KIAA0825: variants seen among roughly 807,000 people sequenced by gnomAD.
KIAA0825 encodes KIAA0825.
In KIAA0825, 119 loss-of-function variants were observed where a neutral mutation model predicts 147.6. The observed-to-expected ratio is 0.81, with a 90% CI of 0.69 to 0.94. The LOEUF (loss-of-function observed/expected upper bound fraction) is 0.94, where lower values mean the gene tolerates loss of function less well. Among genes scored for constraint, KIAA0825 ranks in the 40% least tolerant of loss-of-function variants. The pLI is 0.00. For missense variants in KIAA0825, 1,381 were observed against 1,472.7 expected (o/e 0.94, Z 1.02); for synonymous variants, 470 against 518.1 (o/e 0.91, Z 1.26).
chr5:94,435,711 A>G (rs947239869), intron 14 of KIAA0825, among the ~76,000 whole-genome samples: 2 of 152,114 alleles, frequency 1.3e-5, no homozygotes, highest in African/African-American at 4.8e-5. Flanking sequence ...GTCTTCCACA[A>G]TGGTTGAACT....
At chr5:94,493,357 A>C (rs561624326) in intron 5 of KIAA0825, among the ~76,000 whole-genome samples, 1 of 152,352 alleles carries the variant, frequency 6.6e-6, no homozygotes, top group South Asian at 2.1e-4. Flanking sequence ...AAAATAACTA[A>C]TGGTGTCACC....
At chr5:94,220,361 CA>C (rs1773573760) in intron 20 of KIAA0825, among the ~76,000 whole-genome samples, 1 of 151,906 alleles carries the variant, frequency 6.6e-6, no homozygotes, top group African/African-American at 2.4e-5. Context: ...TTACAGTTAA[CA>C]TTTTTTTTTT....
chr5:94,281,612 G>T (rs1050895991), intron 20 of KIAA0825, among the ~76,000 whole-genome samples: 2 of 152,174 alleles, frequency 1.3e-5, no homozygotes, highest in South Asian at 4.2e-4. Flanking sequence ...CTGGATAATT[G>T]TTAGGGCTGC....
At position 94,210,807 on chromosome 5, in the gene KIAA0825, T is replaced by G. The variant is rs115524826; in HGVS notation, c.3711-56683A>C. ...GAAGAAACTGTATTAAAAAATTAGG[T>G]CTAGGGTGTGGATTTAGTTTCCTTG... On this transcript the variant is annotated intron_variant, in intron 20 of 20. Transcript: ENST00000682413. Among the ~76,000 whole-genome samples the G allele has an allele frequency of 7.5e-3, 1,139 of 152,284 alleles. 12 individuals are homozygous for G. The highest frequency in any genetic ancestry group is 0.027 in the African/African-American group (1,107 of 41,572).
chr5:94,548,779 T>C (rs905265327), intron 2 of KIAA0825, among the ~76,000 whole-genome samples: 6 of 152,116 alleles, frequency 3.9e-5, no homozygotes, highest in Admixed American at 1.3e-4. Context: ...GCAGTAGATA[T>C]ACTTGTATCA....
At chr5:94,582,211 A>G (rs1782320169) in intron 2 of KIAA0825, among the ~76,000 whole-genome samples, 1 of 152,192 alleles carries the variant, frequency 6.6e-6, no homozygotes, top group Non-Finnish European at 1.5e-5. Context: ...GCCCTGCTGC[A>G]GTGTTGTGTA....
intron 1 of KIAA0825, chr5:94,593,603 C>A: frequency 1.9e-6 from 1 of 514,274 alleles, no homozygotes; most frequent in South Asian, 2.2e-5. Context: ...TTATTGATGT[C>A]AGAGGAGCTA....
intron 20 of KIAA0825, among the ~76,000 whole-genome samples, chr5:94,201,555 A>G (rs2150024388): frequency 6.6e-6 from 1 of 151,130 alleles, no homozygotes; most frequent in South Asian, 2.1e-4. Flanking sequence ...ATACAGGTGC[A>G]TGCCACCTTG....
Position 94,471,587 on chromosome 5 carries a change from T to G in KIAA0825, c.1600A>C (p.Arg534=). 6.4e-7 allele frequency: 1 copy of G among 1,551,928 alleles called. No individual in the cohort carries two copies. The highest frequency in any genetic ancestry group is 8.7e-7 in the Non-Finnish European group (1 of 1,147,044). Residue 534 remains arginine, a synonymous_variant, in exon 9 of 21, where the codon AGA becomes CGA. Coordinates refer to ENST00000682413, the MANE Select transcript of KIAA0825 (RefSeq NM_001145678.3). ...GCTTTGGAAGGAACCTCCTTGGCTC[T>G]CTCTTGCAGTCTCTGCAGGACAGCT... ...ATAVLQRLQE[R]AKEVPSKAPL...
rs1340062689 is a variant in KIAA0825, at chr5:94,536,985, A to G, written c.131+11T>C. ...GAAAACAACTTGTTTTAAATAATTAACAATATTTACCTTGCAGCATTTTGT... is the reference window on the plus strand; with the variant it reads ...GAAAACAACTTGTTTTAAATAATTAGCAATATTTACCTTGCAGCATTTTGT... On this transcript the variant is annotated intron_variant, in intron 3 of 20. Coordinates refer to ENST00000682413, the MANE Select transcript of KIAA0825 (RefSeq NM_001145678.3). 6.4e-7 allele frequency: 1 copy of G among 1,572,942 alleles called. No homozygotes were observed. Among genetic ancestry groups the G allele is most frequent in the Non-Finnish European group, 8.7e-7 (1 of 1,152,096 alleles).
chr5:94,205,661 C>A (rs1315074439), intron 20 of KIAA0825, among the ~76,000 whole-genome samples: 1 of 152,062 alleles, frequency 6.6e-6, no homozygotes, highest in African/African-American at 2.4e-5. Context: ...TCATGGATGC[C>A]ATAATCCCTA....
chr5:94,526,687 T>C (rs1270902438), intron 3 of KIAA0825, among the ~76,000 whole-genome samples: 1 of 152,054 alleles, frequency 6.6e-6, no homozygotes, highest in Non-Finnish European at 1.5e-5. Context: ...TCCCTGACTG[T>C]AAAAATTGCT....
chr5:94,300,685 G>T (rs774088410), intron 20 of KIAA0825, among the ~76,000 whole-genome samples: 1 of 152,018 alleles, frequency 6.6e-6, no homozygotes, highest in Non-Finnish European at 1.5e-5. Flanking sequence ...AAGCTCAAAG[G>T]CTATGGCTAA....
chr5:94,403,312 C>A (rs959763965), intron 16 of KIAA0825, among the ~76,000 whole-genome samples: 2 of 152,014 alleles, frequency 1.3e-5, no homozygotes, highest in African/African-American at 4.8e-5. Flanking sequence ...TGACTATTAG[C>A]CTGAACACAA....
In KIAA0825 at chr5:94,183,112, GAAAGGATTCATTTGT is replaced by G. The variant is rs1484406662; in HGVS notation, c.3711-29003_3711-28989del. 1.2e-4 allele frequency among the ~76,000 whole-genome samples: 18 copies of G among 152,136 alleles called. 2 individuals are homozygous for G. In the East Asian group the frequency reaches 3.5e-3, roughly 29 times the overall value. ...TGTACAGCCAGAAATGAATCCTTTG[GAAAGGATTCATTTGT>G]AAAGGATTCACTCTTTACACTATTC... On this transcript the variant is annotated intron_variant, in intron 20 of 20. Coordinates refer to ENST00000682413, the MANE Select transcript of KIAA0825 (RefSeq NM_001145678.3).
In KIAA0825 at chr5:94,509,693, T is replaced by C. The variant is rs748868169; in HGVS notation, c.970+10555A>G. On this transcript the variant is annotated intron_variant, in intron 5 of 20. Transcript: ENST00000682413. Reference sequence around the variant, plus strand: ...AATCTGTGCAGTAATAGCTTGTCCATAAGTTCAAGCAAAGATTTGTCACAT... The same window carrying C: ...AATCTGTGCAGTAATAGCTTGTCCACAAGTTCAAGCAAAGATTTGTCACAT... Among the ~76,000 whole-genome samples, 11 of 152,340 alleles carry C rather than the reference T, an allele frequency of 7.2e-5. No individual in the cohort carries two copies. In the South Asian group the frequency reaches 1.4e-3, roughly 20 times the overall value.
chr5:94,296,124 G>A (rs1841301), intron 20 of KIAA0825, among the ~76,000 whole-genome samples: 1 of 152,082 alleles, frequency 6.6e-6, no homozygotes, highest in Non-Finnish European at 1.5e-5. Context: ...GGAATCTAAA[G>A]AGGCAGTCTG....
intron 6 of KIAA0825, among the ~76,000 whole-genome samples, chr5:94,477,808 A>G (rs564360245): frequency 4.2e-4 from 64 of 152,318 alleles, no homozygotes; most frequent in African/African-American, 1.5e-3. Flanking sequence ...TTTTACAATT[A>G]AGAAACTCTT....
chr5:94,537,664 A>C (rs866707848), intron 2 of KIAA0825, among the ~76,000 whole-genome samples: 48 of 151,504 alleles, frequency 3.2e-4, no homozygotes, highest in African/African-American at 1.1e-3. Flanking sequence ...AAAAAAAAAA[A>C]AAAGAAAGCT....
Sources: gnomAD v4.1 joint callset for allele counts (sites outside exome capture counted in the v4.1 genomes callset) on GRCh38, gnomAD v4.1.1 for gene constraint, MANE v1.5 for transcripts, NCBI Gene and HGNC (gene_info 2026-07-23, HGNC 2026-07-21) for gene names.